Variants in SCRN1 observed in about 807,000 individuals in gnomAD.
SCRN1 encodes secernin-1.
A neutral mutation model predicts 43.3 loss-of-function variants in SCRN1; 19 were observed. The observed-to-expected ratio is 0.44, with a 90% CI of 0.31 to 0.64. The LOEUF (loss-of-function observed/expected upper bound fraction) is 0.64. Among genes scored for constraint, SCRN1 ranks in the 30% least tolerant of loss-of-function variants. SCRN1 has a pLI of 0.09. For missense variants in SCRN1, 447 were observed against 524.1 expected, an observed-to-expected ratio of 0.85 and a Z score of 1.44; for synonymous variants, 183 against 188.9, an observed-to-expected ratio of 0.97 and a Z score of 0.26.
intron 3 of SCRN1, chr7:29,947,152 G>T: frequency 6.5e-7 from 1 of 1,540,582 alleles, no homozygotes; most frequent in Non-Finnish European, 8.8e-7. Flanking sequence ...CTTCTGTGCA[G>T]TTCGAATTCT....
intron 6 of SCRN1, among the ~76,000 whole-genome samples, chr7:29,928,023 T>C (rs1787026689): frequency 6.6e-6 from 1 of 152,050 alleles, no homozygotes; most frequent in Non-Finnish European, 1.5e-5. Flanking sequence ...CTCAGGAGGT[T>C]GAGGTGGAAG....
chr7:29,952,692 A>AG, intron 3 of SCRN1, among the ~76,000 whole-genome samples: 1 of 105,262 alleles, frequency 9.5e-6, no homozygotes, highest in Non-Finnish European at 2.1e-5. Context: ...CTAAAAAAAA[A>AG]AAAGAGAGAG....
In SCRN1 at chr7:29,989,676, C is replaced by G; in HGVS notation, c.-36G>C. On this transcript the variant is annotated 5_prime_UTR_variant, in exon 1 of 8. Transcript: ENST00000242059. Reference sequence around the variant, plus strand: ...CGGGCTCCGGGCTCCGCTCTCCGCTCTGCGGTGCTGAGGCTGCGGCCGCCG... The same window carrying G: ...CGGGCTCCGGGCTCCGCTCTCCGCTGTGCGGTGCTGAGGCTGCGGCCGCCG... 1 of 985,550 alleles carries G rather than the reference C, an allele frequency of 1.0e-6. No individual in the cohort carries two copies. The highest frequency in any genetic ancestry group is 1.7e-5 in the African/African-American group (1 of 57,376). The allele number at this position is 985,550 out of a possible 1,614,324, so 61.1% of individuals were successfully genotyped here. A position where few individuals can be genotyped will look rare whatever the true frequency, so the allele number is the denominator to read the frequency against.
In SCRN1 at chr7:29,968,991, T is replaced by C; in HGVS notation, c.77A>G (p.Lys26Arg). ...RAKDGLVVFGKNSARPRDEVQ... is the reference protein window; with the variant it reads ...RAKDGLVVFGRNSARPRDEVQ... ...TTCATCTCTGGGCCGGGCTGAATTT[T>C]TCCCAAATACCACCAGACCATCCTT... Residue 26 changes from lysine (K) to arginine (R), a missense_variant, in exon 2 of 8, where the codon AAA (lysine) becomes AGA (arginine). By Grantham distance (26) the Lys-to-Arg change is conservative. Transcript: ENST00000242059. 6.2e-7 allele frequency: 1 copy of C among 1,614,124 alleles called. No individual in the cohort carries two copies. Among genetic ancestry groups the C allele is most frequent in the Non-Finnish European group, 8.5e-7 (1 of 1,179,994 alleles).
intron 6 of SCRN1, among the ~76,000 whole-genome samples, chr7:29,929,712 T>C (rs117473123): frequency 0.035 from 5,285 of 152,378 alleles, 176 homozygotes; most frequent in Non-Finnish European, 0.047. Flanking sequence ...GGCTCTCATC[T>C]GACTACAGTG....
chr7:29,936,832 G>A lies in SCRN1; in HGVS notation c.740-111C>T, dbSNP rs534347800. 64 of 790,432 alleles carry A rather than the reference G, an allele frequency of 8.1e-5. No homozygotes were observed. The Middle Eastern group carries it at 1.2e-3, about 14-fold the overall frequency. The allele number at this position is 790,432 out of a possible 1,614,324, so 49.0% of individuals were successfully genotyped here. ...GAGGCCGAGGCGGGCGGATCACGAG[G>A]TCAGGAGATCGCGACCATCCTGCAT... On this transcript the variant is annotated intron_variant, in intron 5 of 7. Transcript: ENST00000242059.
chr7:29,982,515 A>C (rs889614093), intron 1 of SCRN1, among the ~76,000 whole-genome samples: 2 of 151,922 alleles, frequency 1.3e-5, no homozygotes, highest in Non-Finnish European at 2.9e-5. Flanking sequence ...CCCTATCTCT[A>C]CAAAAAAATA....
intron 1 of SCRN1, among the ~76,000 whole-genome samples, chr7:29,976,101 T>G (rs146047868): frequency 1.2e-4 from 18 of 152,256 alleles, no homozygotes; most frequent in African/African-American, 4.1e-4. Flanking sequence ...ATCTGCTACT[T>G]TTTCTCCTTG....
At chr7:29,940,986 G>A (rs1297891108) in intron 4 of SCRN1, 110 bp from the exon 5 acceptor site, 1 of 880,050 alleles carries the variant, frequency 1.1e-6, no homozygotes, top group African/African-American at 1.8e-5. Context: ...TTAACTACAG[G>A]GAGGAATCCA....
rs759512979 is a variant in SCRN1, at chr7:29,950,438, G to A, written c.341+4741C>T. Among the ~76,000 whole-genome samples the A allele has an allele frequency of 1.2e-4, 18 of 152,240 alleles. No individual in the cohort carries two copies. Among genetic ancestry groups the A allele is most frequent in the Non-Finnish European group, 5.9e-5 (4 of 68,044 alleles). ...AAAACCTGGACATCATGGATGGCAC[G>A]TTGATGGCAGGAGGCAGACAGTTTC... On this transcript the variant is annotated intron_variant, in intron 3 of 7. Transcript: ENST00000242059. This position sits in a 1 kb window ranked among gnomAD's most constrained non-coding sequence, Gnocchi z 4.5.
At chr7:29,971,983 G>A (rs34125414) in intron 1 of SCRN1, among the ~76,000 whole-genome samples, 23,599 of 152,060 alleles carry the variant, frequency 0.16, 1,938 homozygotes, top group African/African-American at 0.2. Flanking sequence ...TTCCCTCTGG[G>A]AAGAAAAGCC....
Position 29,989,790 on chromosome 7 carries a change from C to T in SCRN1, c.-150G>A, listed in dbSNP as rs1583709256. ...GGAGGCGGCCGCCGGGCGCTTCCCC[C>T]TACCCAGACTCCCGGCGCTGGGGCC... On this transcript the variant is annotated 5_prime_UTR_variant, in exon 1 of 8. Transcript: ENST00000242059. 4.0e-6 allele frequency: 4 copies of T among 988,484 alleles called. No homozygotes were observed. Among genetic ancestry groups the T allele is most frequent in the Non-Finnish European group, 4.8e-6 (4 of 832,380 alleles). 61.2% of individuals were successfully genotyped at this position (988,484 alleles called of 1,614,324 possible).
At chr7:29,941,467 T>C (rs931700290) in intron 4 of SCRN1, among the ~76,000 whole-genome samples, 5 of 152,206 alleles carry the variant, frequency 3.3e-5, no homozygotes, top group African/African-American at 1.2e-4. Flanking sequence ...TAGAAAATCA[T>C]AGTGGCAATG....
chr7:29,943,481 C>T (rs1787625831), intron 4 of SCRN1, among the ~76,000 whole-genome samples: 1 of 152,188 alleles, frequency 6.6e-6, no homozygotes, highest in African/African-American at 2.4e-5. Flanking sequence ...GAAACACTGT[C>T]TCACTGTGAG....
intron 4 of SCRN1, among the ~76,000 whole-genome samples, chr7:29,941,322 GC>G (rs1453200277): frequency 1.3e-5 from 2 of 152,120 alleles, no homozygotes; most frequent in African/African-American, 4.8e-5. Context: ...TCTATAGAAA[GC>G]CCCCTCCCTG....
chr7:29,982,341 A>G (rs1018163865), intron 1 of SCRN1, among the ~76,000 whole-genome samples: 1 of 152,162 alleles, frequency 6.6e-6, no homozygotes, highest in African/African-American at 2.4e-5. Flanking sequence ...ATAACCCATC[A>G]CACACGTATT....
At chr7:29,955,585 T>C (rs887455210) in intron 2 of SCRN1, among the ~76,000 whole-genome samples, 5 of 152,240 alleles carry the variant, frequency 3.3e-5, no homozygotes, top group African/African-American at 1.2e-4. Flanking sequence ...GCTCACGTAA[T>C]AGGGCAATCA....
chr7:29,926,350 T>C, intron 7 of SCRN1, 102 bp downstream of exon 7: 1 of 1,256,734 alleles, frequency 8.0e-7, no homozygotes, highest in South Asian at 1.4e-5. Flanking sequence ...ACTGGATGGG[T>C]GGGGGTAGGG....
At chr7:29,931,355 T>C (rs926243608) in intron 6 of SCRN1, among the ~76,000 whole-genome samples, 1 of 152,214 alleles carries the variant, frequency 6.6e-6, no homozygotes, top group Non-Finnish European at 1.5e-5. Context: ...CAGATGCTGT[T>C]CTAGGTACTA....
Sources: gnomAD v4.1 joint callset for allele counts (sites outside exome capture counted in the v4.1 genomes callset) on GRCh38, gnomAD v4.1.1 for gene constraint, Gnocchi (gnomAD v3.1) non-coding constraint, MANE v1.5 for transcripts, NCBI Gene and HGNC (gene_info 2026-07-23, HGNC 2026-07-21) for gene names.